Variants in CTNNA2 observed in about 807,000 individuals in gnomAD.
CTNNA2 encodes catenin alpha 2, also known as catenin alpha-2.
Under a neutral mutation model 101.0 loss-of-function variants are expected in CTNNA2, and 42 were observed. The ratio of observed to expected loss-of-function variants is 0.42; its 90% CI spans 0.32 to 0.54. The LOEUF (loss-of-function observed/expected upper bound fraction) is 0.54. CTNNA2 is among the 20% of genes least tolerant of loss of function. The pLI is 0.14. For missense variants in CTNNA2, 871 were observed against 1,223.1 expected, an observed-to-expected ratio of 0.71 and a Z score of 4.29; for synonymous variants, 450 against 456.4, an observed-to-expected ratio of 0.99 and a Z score of 0.18.
rs549633075 is a variant in CTNNA2 at position 79,387,260 on chromosome 2, C to T, written c.-135+13247C>T. On this transcript the variant is annotated intron_variant, in intron 4 of 21. Coordinates refer to the CTNNA2 transcript ENST00000466387. ...TGGGCATGGGCTTTGGCCAGTCTGC[C>T]TGTTGATTCTGAGCAATTAGAACCT... is the stretch of plus-strand genomic sequence containing the variant. 3.3e-5 allele frequency among the ~76,000 whole-genome samples: 5 copies of T among 152,256 alleles called. No individual in the cohort carries two copies. In the South Asian group the frequency reaches 1.0e-3, roughly 32 times the overall value.
chr2:79,739,779 C>T (rs774675866), intron 2 of CTNNA2, among the ~76,000 whole-genome samples: 5 of 152,186 alleles, frequency 3.3e-5, no homozygotes, highest in Non-Finnish European at 7.4e-5. Context: ...CTTGTGGCTC[C>T]CACCTTTAGA....
At chr2:79,491,043 G>T (rs540483532) in intron 4 of CTNNA2, among the ~76,000 whole-genome samples, 2 of 152,258 alleles carry the variant, frequency 1.3e-5, no homozygotes, top group Admixed American at 6.5e-5. Flanking sequence ...AGTAATGGAT[G>T]AAAACCCTGC....
intron 6 of CTNNA2, among the ~76,000 whole-genome samples, chr2:79,891,154 C>A (rs1371984347): frequency 6.6e-6 from 1 of 151,808 alleles, no homozygotes; most frequent in African/African-American, 2.4e-5. Context: ...CAGGAGATGC[C>A]CATACATATT....
chr2:80,384,841 C>T (rs66485836), intron 7 of CTNNA2, among the ~76,000 whole-genome samples: 26,705 of 151,902 alleles, frequency 0.18, 2,848 homozygotes, highest in African/African-American at 0.31. Flanking sequence ...CCCTGATACC[C>T]ACCACTCTGC....
intron 3 of CTNNA2, among the ~76,000 whole-genome samples, chr2:79,850,172 C>T (rs1680562639): frequency 6.6e-6 from 1 of 151,302 alleles, no homozygotes; most frequent in African/African-American, 2.4e-5. Flanking sequence ...ACCCTCCCTT[C>T]CTCCATCCTT....
intron 9 of CTNNA2, among the ~76,000 whole-genome samples, chr2:80,452,881 C>T (rs1055407293): frequency 6.8e-6 from 1 of 146,784 alleles, no homozygotes; most frequent in African/African-American, 2.7e-5. Context: ...AGCAAGACCT[C>T]CCAGGTTTTT....
intron 3 of CTNNA2, among the ~76,000 whole-genome samples, chr2:79,335,775 C>T (rs1676981280): frequency 6.6e-6 from 1 of 152,132 alleles, no homozygotes; most frequent in African/African-American, 2.4e-5. Context: ...TAGGAAAGAA[C>T]AGCTCAATCT....
chr2:80,114,799 A>C (rs1011349321), intron 7 of CTNNA2, among the ~76,000 whole-genome samples: 1 of 152,158 alleles, frequency 6.6e-6, no homozygotes, highest in Non-Finnish European at 1.5e-5. Flanking sequence ...CAGCTTGACA[A>C]GGTGTCTGAA....
intron 4 of CTNNA2, among the ~76,000 whole-genome samples, chr2:79,398,465 T>G (rs1174607203): frequency 2.0e-5 from 3 of 152,138 alleles, no homozygotes; most frequent in Non-Finnish European, 4.4e-5. Flanking sequence ...TCAGTAGGTC[T>G]GGGTTGGGTC....
chr2:79,557,208 T>A (rs1181512840), intron 1 of CTNNA2, among the ~76,000 whole-genome samples: 1 of 152,032 alleles, frequency 6.6e-6, no homozygotes, highest in Non-Finnish European at 1.5e-5. Context: ...ATGGCAGAGT[T>A]ATCTTTATTT....
rs951803942 is a variant in CTNNA2, at chr2:79,347,081, C to G, written c.-317-26750C>G. Among the ~76,000 whole-genome samples the G allele has an allele frequency of 6.6e-5, 10 of 152,028 alleles. No homozygotes were observed. In the South Asian group the frequency reaches 1.0e-3, roughly 16 times the overall value. On this transcript the variant is annotated intron_variant, in intron 3 of 21. Transcript: ENST00000466387. Reference sequence around the variant, plus strand: ...ATGGAACAAACCAGCATGTGTACCCCCTAACCTAACATTTTAAAATATTAA... The same window carrying G: ...ATGGAACAAACCAGCATGTGTACCCGCTAACCTAACATTTTAAAATATTAA...
At chr2:79,672,491 T>A (rs1319136315) in intron 2 of CTNNA2, among the ~76,000 whole-genome samples, 1 of 151,662 alleles carries the variant, frequency 6.6e-6, no homozygotes, top group African/African-American at 2.4e-5. Context: ...AAAAGAAAAA[T>A]TTCGTAATGG....
chr2:80,224,039 G>T (rs1274734582), intron 7 of CTNNA2, among the ~76,000 whole-genome samples: 2 of 152,172 alleles, frequency 1.3e-5, no homozygotes, highest in African/African-American at 4.8e-5. Context: ...GATTGTCCCA[G>T]CCAGAGAACC....
chr2:80,571,020 G>A (rs945410403), intron 12 of CTNNA2, among the ~76,000 whole-genome samples: 3 of 152,026 alleles, frequency 2.0e-5, no homozygotes, highest in East Asian at 1.9e-4. Context: ...TGGTTTTAGC[G>A]AGATGGCAAA....
intron 4 of CTNNA2, among the ~76,000 whole-genome samples, chr2:79,408,003 G>C (rs1468197354): frequency 6.6e-6 from 1 of 151,992 alleles, no homozygotes; most frequent in Non-Finnish European, 1.5e-5. Flanking sequence ...ATTGGACTTT[G>C]AGTTTTTGTC....
chr2:79,710,793 G>A (rs983823601), intron 2 of CTNNA2, among the ~76,000 whole-genome samples: 5 of 152,102 alleles, frequency 3.3e-5, no homozygotes, highest in Admixed American at 2.6e-4. Flanking sequence ...CCTGCTTAGT[G>A]ATATAAACAT....
chr2:80,597,175 C>A (rs1016882752), intron 15 of CTNNA2, among the ~76,000 whole-genome samples: 2 of 152,104 alleles, frequency 1.3e-5, no homozygotes, highest in African/African-American at 4.8e-5. Flanking sequence ...ACCATCTGAT[C>A]TTTGACAAAC....
chr2:79,597,081 A>G (rs1297602471), intron 1 of CTNNA2, among the ~76,000 whole-genome samples: 1 of 152,210 alleles, frequency 6.6e-6, no homozygotes, highest in African/African-American at 2.4e-5. Flanking sequence ...TTGAAACAGT[A>G]TTAAATATTC....
chr2:79,832,492 A>C (rs2105432816), intron 3 of CTNNA2, among the ~76,000 whole-genome samples: 1 of 152,352 alleles, frequency 6.6e-6, no homozygotes, highest in South Asian at 2.1e-4. Flanking sequence ...TATGCCATTT[A>C]CATTGATATG....
Sources: gnomAD v4.1 joint callset for allele counts (sites outside exome capture counted in the v4.1 genomes callset) on GRCh38, gnomAD v4.1.1 for gene constraint, MANE v1.5 for transcripts, NCBI Gene and HGNC (gene_info 2026-07-23, HGNC 2026-07-21) for gene names.